The following MYO5B variants were observed in gnomAD, a reference collection of about 807,000 sequenced individuals.
MYO5B encodes the protein myosin VB, also known as unconventional myosin-Vb.
A neutral mutation model predicts 229.3 loss-of-function variants in MYO5B; 143 were observed. That is an observed-to-expected ratio of 0.62 (90% CI 0.54 to 0.72). The LOEUF is 0.72. Among genes scored for constraint, MYO5B ranks in the 30% least tolerant of loss-of-function variants. MYO5B has a pLI of 0.00. For synonymous variants in MYO5B, 918 were observed against 885.2 expected (o/e 1.04, Z -0.66); for missense variants, 2,321 against 2,331.0 (o/e 1.00, Z 0.09).
chr18:50,158,098 A>G (rs1164516091), intron 1 of MYO5B, among the ~76,000 whole-genome samples: 1 of 152,158 alleles, frequency 6.6e-6, no homozygotes, highest in Non-Finnish European at 1.5e-5. Context: ...TTCCCTGAAA[A>G]CCTTAAATGA....
intron 17 of MYO5B, among the ~76,000 whole-genome samples, chr18:49,923,252 T>C (rs2078920819): frequency 6.6e-6 from 1 of 152,236 alleles, no homozygotes; most frequent in African/African-American, 2.4e-5. Context: ...CAACCTTGCA[T>C]CTGGTTATAT....
intron 30 of MYO5B, 140 bp from the exon 31 acceptor site, chr18:49,853,787 A>C (rs1214345400): frequency 1.3e-6 from 1 of 783,850 alleles, no homozygotes; most frequent in Non-Finnish European, 2.1e-6. Flanking sequence ...TGAATGCAGC[A>C]GGAGACAGAT....
intron 1 of MYO5B, among the ~76,000 whole-genome samples, chr18:50,077,160 T>C (rs1599002788): frequency 1.2e-5 from 1 of 86,068 alleles, no homozygotes; most frequent in Admixed American, 1.4e-4. Context: ...TAATTTATTG[T>C]GGCAAAGTAA....
intron 1 of MYO5B, among the ~76,000 whole-genome samples, chr18:50,119,174 G>A (rs1248638243): frequency 6.6e-6 from 1 of 152,178 alleles, no homozygotes; most frequent in Non-Finnish European, 1.5e-5. Flanking sequence ...TCTGAGGTGG[G>A]GCCCAGGAAT....
chr18:49,847,374 T>C, intron 32 of MYO5B, 85 bp from the exon 33 acceptor site: 2 of 1,518,600 alleles, frequency 1.3e-6, no homozygotes, highest in Non-Finnish European at 1.8e-6. Context: ...GGGTGGAGGA[T>C]GGGACCTGGG....
chr18:49,971,059 G>A (rs2025686318), intron 10 of MYO5B: 1 of 152,304 alleles, frequency 6.6e-6, no homozygotes, highest in Non-Finnish European at 1.5e-5. Context: ...CTAAGAAGGA[G>A]TGAGACAATG....
chr18:50,091,408 A>T (rs1292521964), intron 1 of MYO5B, among the ~76,000 whole-genome samples: 1 of 152,146 alleles, frequency 6.6e-6, no homozygotes, highest in Non-Finnish European at 1.5e-5. Flanking sequence ...TTATTTGCAT[A>T]CCCATCCTTG....
chr18:49,957,164 A>AC (rs1354402501), intron 12 of MYO5B, among the ~76,000 whole-genome samples: 1 of 150,796 alleles, frequency 6.6e-6, no homozygotes, highest in Admixed American at 6.6e-5. Context: ...AAAAAAAAAA[A>AC]AGCAGGCATG....
intron 33 of MYO5B, among the ~76,000 whole-genome samples, chr18:49,844,329 G>A (rs2024099264): frequency 6.6e-6 from 1 of 152,202 alleles, no homozygotes; most frequent in African/African-American, 2.4e-5. Context: ...AATGGGGCAG[G>A]AGCACAAGGC....
chr18:49,853,352 C>A, intron 31 of MYO5B, 97 bp downstream of exon 31: 1 of 1,234,036 alleles, frequency 8.1e-7, no homozygotes. Flanking sequence ...GGCCAAGGGT[C>A]ATGAACCTTG....
At chr18:50,009,408 A>G (rs535211063) in intron 4 of MYO5B, among the ~76,000 whole-genome samples, 156 of 152,320 alleles carry the variant, frequency 1.0e-3, no homozygotes, top group Non-Finnish European at 1.4e-3. Flanking sequence ...TCAATATGGT[A>G]TATTTTCATG....
chr18:50,065,632 T>C (rs963899911), intron 1 of MYO5B, among the ~76,000 whole-genome samples: 9 of 152,108 alleles, frequency 5.9e-5, no homozygotes, highest in Admixed American at 2.0e-4. Flanking sequence ...GGGATTACAG[T>C]TCAAGATGAG....
At chr18:49,982,406 G>A (rs1356096857) in intron 8 of MYO5B, among the ~76,000 whole-genome samples, 1 of 152,032 alleles carries the variant, frequency 6.6e-6, no homozygotes, top group East Asian at 1.9e-4. Context: ...TCCAAAGACC[G>A]AACCACCCTG....
chr18:49,904,867 G>A (rs2024882310), intron 19 of MYO5B, 39 bp from the exon 20 acceptor site: 3 of 1,608,006 alleles, frequency 1.9e-6, no homozygotes, highest in South Asian at 2.2e-5. Context: ...CAGGGAGAGA[G>A]TATTGACCGC....
intron 1 of MYO5B, among the ~76,000 whole-genome samples, chr18:50,114,136 A>G (rs1358629258): frequency 6.6e-6 from 1 of 152,166 alleles, no homozygotes; most frequent in Admixed American, 6.5e-5. Context: ...AGTTGCAATG[A>G]GGAGATGGTA....
At chr18:49,841,192 G>A (rs543761155) in intron 35 of MYO5B, among the ~76,000 whole-genome samples, 173 bp downstream of exon 35, 7 of 152,154 alleles carry the variant, frequency 4.6e-5, no homozygotes, top group Non-Finnish European at 8.8e-5. Context: ...CAGGTCTCCT[G>A]TGGCTGGCCT....
chr18:49,927,417 C>G (rs60884895), intron 17 of MYO5B, among the ~76,000 whole-genome samples: 10,483 of 150,392 alleles, frequency 0.07, 846 homozygotes, highest in East Asian at 0.3. Flanking sequence ...ATTGCCAAAG[C>G]AAGACTAGCA....
chr18:49,862,734 G>A (rs114348339), intron 29 of MYO5B, among the ~76,000 whole-genome samples: 5 of 152,262 alleles, frequency 3.3e-5, no homozygotes, highest in African/African-American at 9.6e-5. Flanking sequence ...TGGCTAAGAC[G>A]GTGGAGGTGA....
rs2023828231 is a variant in MYO5B at position 49,825,293 on chromosome 18, A to G, written c.*1178T>C. ...AACATCTAAGCCTGTTATATTACTG[A>G]ATTACTTTTTTAAAATCCTTATTTT... On this transcript the variant is annotated 3_prime_UTR_variant, in exon 40 of 40. Transcript: ENST00000285039. 6.6e-6 allele frequency: 1 copy of G among 152,204 alleles called. No homozygotes were observed. Among genetic ancestry groups the G allele is most frequent in the African/African-American group, 2.4e-5 (1 of 41,450 alleles). 9.4% of individuals were successfully genotyped at this position (152,204 alleles called of 1,614,324 possible). A position where few individuals can be genotyped will look rare whatever the true frequency, so the allele number is the denominator to read the frequency against.
Sources: gnomAD v4.1 joint callset for allele counts (sites outside exome capture counted in the v4.1 genomes callset) on GRCh38, gnomAD v4.1.1 for gene constraint, MANE v1.5 for transcripts, NCBI Gene and HGNC (gene_info 2026-07-23, HGNC 2026-07-21) for gene names.